The following PLPP1 variants were observed in gnomAD, a reference collection of about 807,000 sequenced individuals.
PLPP1 encodes phospholipid phosphatase 1.
In PLPP1, 24 loss-of-function variants were observed where a neutral mutation model predicts 31.2. The ratio of observed to expected loss-of-function variants is 0.77; its 90% confidence interval spans 0.56 to 1.08. The LOEUF is 1.08. Among genes scored for constraint, PLPP1 ranks in the 50% least tolerant of loss-of-function variants. The probability of loss-of-function intolerance (pLI) is 0.00; values close to 1 mark genes in which losing one functional copy is unlikely to be tolerated. For missense variants in PLPP1, 319 were observed against 342.7 expected (o/e 0.93, Z 0.55); for synonymous variants, 146 against 126.3 (o/e 1.16, Z -1.05).
intron 1 of PLPP1, among the ~76,000 whole-genome samples, chr5:55,527,595 T>G (rs1740507828): frequency 6.6e-6 from 1 of 152,204 alleles, no homozygotes; most frequent in Admixed American, 6.5e-5. Context: ...AGTAGGGTCC[T>G]GCCAAGAAAA....
chr5:55,492,890 T>C (rs1752924782), intron 1 of PLPP1, among the ~76,000 whole-genome samples: 1 of 152,134 alleles, frequency 6.6e-6, no homozygotes, highest in African/African-American at 2.4e-5. Context: ...CTTCCAGAGT[T>C]AGGGAATATA....
At chr5:55,436,670 CG>C (rs1365299349) in intron 4 of PLPP1, among the ~76,000 whole-genome samples, 10 of 152,140 alleles carry the variant, frequency 6.6e-5, no homozygotes, top group African/African-American at 2.2e-4. Context: ...TCAAAACAAA[CG>C]GAAGACTCTT....
chr5:55,446,736 T>C (rs1251752909), intron 3 of PLPP1, among the ~76,000 whole-genome samples: 5 of 152,246 alleles, frequency 3.3e-5, no homozygotes, highest in Non-Finnish European at 7.3e-5. Context: ...CTAAACCAAA[T>C]AGTATGAATT....
intron 3 of PLPP1, among the ~76,000 whole-genome samples, chr5:55,466,975 G>T (rs949080492): frequency 6.6e-6 from 1 of 152,118 alleles, no homozygotes; most frequent in Non-Finnish European, 1.5e-5. Flanking sequence ...AGTGTTCTTG[G>T]TCCTCTATTT....
At chr5:55,435,412 TGGTAACAG>T (rs1244286835) in intron 4 of PLPP1, among the ~76,000 whole-genome samples, 2 of 38,060 alleles carry the variant, frequency 5.3e-5, no homozygotes, top group Non-Finnish European at 8.1e-5. Flanking sequence ...AGAGATCACC[TGGTAACAG>T]GGAGAATGGA....
rs566357496 is a variant in PLPP1 at position 55,467,937 on chromosome 5, G to C, written c.423C>G (p.Ile141Met). ...ATTCAATGTAACCATCGCTGCAGTT[G>C]ATTTTTGACCAATCTGGATCACAAA... Reference protein sequence around the residue: ...LDVCDPDWSKINCSDGYIEYY... With the variant: ...LDVCDPDWSKMNCSDGYIEYY... The change falls in exon 3 of 6, where the codon ATC (isoleucine) becomes ATG (methionine). Residue 141 changes from isoleucine (I) to methionine (M), a missense_variant. Physicochemically the swap from Ile to Met is conservative, Grantham distance 10. Transcript: ENST00000307259. The C allele has an allele frequency of 1.2e-6, 2 of 1,614,012 alleles. No individual in the cohort carries two copies. The highest frequency in any genetic ancestry group is 2.7e-5 in the African/African-American group (2 of 74,922).
intron 3 of PLPP1, among the ~76,000 whole-genome samples, chr5:55,465,759 T>A (rs1301177569): frequency 6.6e-6 from 1 of 152,102 alleles, no homozygotes; most frequent in Non-Finnish European, 1.5e-5. Flanking sequence ...CTTCCTCTCC[T>A]CCACCCAAGC....
chr5:55,429,507 G>T (rs1477883834), intron 4 of PLPP1, among the ~76,000 whole-genome samples: 1 of 152,078 alleles, frequency 6.6e-6, no homozygotes, highest in Admixed American at 6.5e-5. Context: ...TTCCCATTGT[G>T]AAGTCCTGCA....
chr5:55,467,832 T>A, intron 3 of PLPP1, 37 bp downstream of exon 3: 1 of 1,560,312 alleles, frequency 6.4e-7, no homozygotes. Context: ...TCCAAGAATA[T>A]ACAAGATTAA....
chr5:55,530,799 G>C (rs1174551629), intron 1 of PLPP1: 1 of 1,438,194 alleles, frequency 7.0e-7, no homozygotes, highest in Non-Finnish European at 9.8e-7. Flanking sequence ...GACAGGGCGC[G>C]GTCCGCACGG....
At chr5:55,434,997 T>C (rs553508559) in intron 4 of PLPP1, among the ~76,000 whole-genome samples, 2 of 152,252 alleles carry the variant, frequency 1.3e-5, no homozygotes, top group African/African-American at 2.4e-5. Flanking sequence ...GCCAAGTATT[T>C]ATCCAGCAAG....
intron 2 of PLPP1, among the ~76,000 whole-genome samples, chr5:55,471,426 T>G (rs570740261): frequency 1.3e-5 from 2 of 152,292 alleles, no homozygotes; most frequent in East Asian, 3.9e-4. Flanking sequence ...GGTCTCGAAC[T>G]CCTGACTTTG....
Position 55,516,805 on chromosome 5 carries a change from C to A in PLPP1, c.58+17767G>T, listed in dbSNP as rs374958967. On this transcript the variant is annotated intron_variant, in intron 1 of 5. Coordinates refer to ENST00000307259, the MANE Select transcript of PLPP1 (RefSeq NM_003711.4). Reference sequence around the variant, plus strand: ...ATTTGTTTCGTGTCTTAATAAAATACAAAATCTGCAGTTGAAATTGCAAGG... The same window carrying A: ...ATTTGTTTCGTGTCTTAATAAAATAAAAAATCTGCAGTTGAAATTGCAAGG... 1.1e-4 allele frequency among the ~76,000 whole-genome samples: 16 copies of A among 152,296 alleles called. No individual in the cohort carries two copies. In the East Asian group the frequency reaches 1.3e-3, roughly 13 times the overall value.
intron 1 of PLPP1, among the ~76,000 whole-genome samples, chr5:55,503,732 TCG>T (rs1491334002): frequency 7.2e-6 from 1 of 139,568 alleles, no homozygotes; most frequent in Non-Finnish European, 1.6e-5. Context: ...TGAGCAGAGG[TCG>T]TGCCACTGCA....
chr5:55,512,103 T>C (rs1203289755), intron 1 of PLPP1, among the ~76,000 whole-genome samples: 2 of 151,554 alleles, frequency 1.3e-5, no homozygotes, highest in Non-Finnish European at 1.5e-5. Flanking sequence ...CACTCCAGCC[T>C]AGGCAACAAG....
chr5:55,534,696 A>T lies in PLPP1; in HGVS notation c.-67T>A, dbSNP rs1384764583. 1.1e-5 allele frequency: 16 copies of T among 1,470,884 alleles called. No homozygotes were observed. Among genetic ancestry groups the T allele is most frequent in the Non-Finnish European group, 9.1e-7 (1 of 1,098,306 alleles). 91.1% of individuals were successfully genotyped at this position (1,470,884 alleles called of 1,614,324 possible). ...TGCGGGACGGCGGCCGAGGCCCTTG[A>T]TTCTCGAGCCCGGGCCGGGGCTGGC... On this transcript the variant is annotated 5_prime_UTR_variant, in exon 1 of 6. Transcript: ENST00000307259.
Position 55,475,395 on chromosome 5 carries a change from T to C in PLPP1, c.114A>G (p.Val38=). Residue 38 remains valine, a synonymous_variant, in exon 2 of 6, where the codon GTA becomes GTG. Coordinates refer to ENST00000307259, the MANE Select transcript of PLPP1 (RefSeq NM_003711.4). The stretch of plus-strand genomic sequence containing the variant: ...ACTTGATGGACTCATCATTACAGAA[T>C]ACTCCTCGTTGGAAGGGGGTATGCC... ...TSRHTPFQRG[V]FCNDESIKYP... 3 of 1,612,880 alleles carry C rather than the reference T, an allele frequency of 1.9e-6. No homozygotes were observed. Among genetic ancestry groups the C allele is most frequent in the Non-Finnish European group, 2.5e-6 (3 of 1,179,186 alleles).
chr5:55,446,708 T>A (rs1194829601), intron 3 of PLPP1, among the ~76,000 whole-genome samples: 1 of 152,200 alleles, frequency 6.6e-6, no homozygotes, highest in Non-Finnish European at 1.5e-5. Context: ...AACTTCAAGC[T>A]TTTTTTCCTT....
At chr5:55,534,446 C>T in intron 1 of PLPP1, 126 bp downstream of exon 1, 1 of 1,016,736 alleles carries the variant, frequency 9.8e-7, no homozygotes. Flanking sequence ...CAGAAGCCGC[C>T]CCCGTGTGTC....
Sources: allele counts gnomAD v4.1 joint callset (sites outside exome capture counted in the v4.1 genomes callset), GRCh38; gene constraint gnomAD v4.1.1; transcripts MANE v1.5; gene names NCBI Gene and HGNC (gene_info 2026-07-23, HGNC 2026-07-21).